Variants in ACACB observed in about 807,000 individuals in gnomAD.
ACACB encodes acetyl-CoA carboxylase 2.
In ACACB, 209 loss-of-function variants were observed where a neutral mutation model predicts 278.8. That is an observed-to-expected ratio of 0.75 (90% CI 0.67 to 0.84). The LOEUF is 0.84. Among genes scored for constraint, ACACB ranks in the 40% least tolerant of loss-of-function variants. The pLI is 0.00. For synonymous variants in ACACB, 1,174 were observed against 1,285.6 expected, an observed-to-expected ratio of 0.91 and a Z score of 1.86; for missense variants, 2,850 against 3,269.0, an observed-to-expected ratio of 0.87 and a Z score of 3.13.
chr12:109,188,223 T>TTCCTTCCC lies in ACACB; in HGVS notation c.2144+68_2144+69insCTCCTTCC, dbSNP rs2044738822. 5.0e-5 allele frequency: 60 copies of TTCCTTCCC among 1,200,780 alleles called. 1 individual carries two copies. In the South Asian group the frequency reaches 8.5e-4, roughly 17 times the overall value. The allele number at this position is 1,200,780 out of a possible 1,614,324, so 74.4% of individuals were successfully genotyped here. On this transcript the variant is annotated intron_variant, in intron 13 of 52. Transcript: ENST00000338432. ...CTTCCTTCCTTCCTTCCTTCCTTCCTTCCTTCCTTCCCTCTCTCCCTTCTT... is the reference window on the plus strand; with the variant it reads ...CTTCCTTCCTTCCTTCCTTCCTTCCTTCCTTCCCTCCTTCCTTCCCTCTCTCCCTTCTT...
intron 4 of ACACB, among the ~76,000 whole-genome samples, chr12:109,169,188 T>A (rs1455655617): frequency 6.8e-6 from 1 of 146,310 alleles, no homozygotes. Context: ...ATAAGTCAGG[T>A]CTTCAGGTCT....
At chr12:109,235,174 A>ATCACAGGAGGTCTCTT (rs1450413088) in intron 31 of ACACB, 139 bp from the exon 32 acceptor site, 1 of 720,514 alleles carries the variant, frequency 1.4e-6, no homozygotes, top group Admixed American at 2.1e-5. Context: ...ATGGAATCAG[A>ATCACAGGAGGTCTCTT]TCACAGGAGG....
At chr12:109,244,669 G>A (rs2046891498) in intron 37 of ACACB, among the ~76,000 whole-genome samples, 2 of 151,882 alleles carry the variant, frequency 1.3e-5, no homozygotes, top group South Asian at 4.2e-4. Context: ...TGTTGGCCAG[G>A]CTGGTCTCAA....
intron 37 of ACACB, among the ~76,000 whole-genome samples, chr12:109,243,788 T>C (rs1204548477): frequency 6.6e-6 from 1 of 151,914 alleles, no homozygotes; most frequent in Non-Finnish European, 1.5e-5. Context: ...CTTTATATGT[T>C]TATGCCCTAG....
chr12:109,199,286 A>G (rs551698831), intron 17 of ACACB, 116 bp from the exon 18 acceptor site: 12 of 883,730 alleles, frequency 1.4e-5, no homozygotes, highest in Non-Finnish European at 1.7e-5. Context: ...ACCCTTTGGG[A>G]ATGTAGAGGG....
At chr12:109,260,128 T>C (rs554037062) in intron 47 of ACACB, 8 of 1,380,270 alleles carry the variant, frequency 5.8e-6, no homozygotes, top group Admixed American at 1.9e-5. Context: ...CCCATGCACA[T>C]TGGGGAAGGA....
At chr12:109,188,296 C>T in intron 13 of ACACB, 134 bp downstream of exon 13, 1 of 949,544 alleles carries the variant, frequency 1.1e-6, no homozygotes, top group Non-Finnish European at 1.5e-6. Context: ...TCTTCCCTCC[C>T]TCTCAGCCTT....
chr12:109,122,123 G>C (rs1207298074), intron 1 of ACACB, among the ~76,000 whole-genome samples: 2 of 152,194 alleles, frequency 1.3e-5, no homozygotes, highest in East Asian at 3.8e-4. Context: ...AGGCCGGTTT[G>C]CCAGGGCCAT....
chr12:109,260,598 G>T lies in ACACB; in HGVS notation c.6615G>T (p.Val2205=), dbSNP rs2047353568. ...PYAELRGGSW[V]VIDATINPLC... is the part of the protein sequence containing the mutation. The stretch of plus-strand genomic sequence containing the variant: ...CGGAGCTCCGGGGAGGCTCCTGGGT[G>T]GTCATAGATGCCACCATCAACCCGC... Residue 2205 remains valine (V), a synonymous_variant, in exon 48 of 53, where the codon GTG becomes GTT. Coordinates refer to ENST00000338432, the MANE Select transcript of ACACB (RefSeq NM_001093.4). The T allele has an allele frequency of 6.2e-7, 1 of 1,609,998 alleles. No homozygotes were observed. Among genetic ancestry groups the T allele is most frequent in the Admixed American group, 1.7e-5 (1 of 58,832 alleles).
chr12:109,191,787 T>A, intron 14 of ACACB, 24 bp downstream of exon 14: 1 of 1,614,110 alleles, frequency 6.2e-7, no homozygotes, highest in Non-Finnish European at 8.5e-7. Context: ...TGCCTGTGTC[T>A]CCCCTCTGGA....
At position 109,232,679 on chromosome 12, in the gene ACACB, C is replaced by G. The variant is rs2046508029; in HGVS notation, c.4012C>G (p.Pro1338Ala). ...PSSHPNRMTV[P>A]ISITNPDLLR... is the part of the protein sequence containing the mutation. ...GCCATCACCTTACAGGATGACCGTG[C>G]CCATCAGCATCACCAACCCTGACCT... is the stretch of plus-strand genomic sequence containing the variant. The change falls in exon 29 of 53, where the codon CCC becomes GCC. Residue 1338 changes from proline (P) to alanine (A), a missense_variant. Pro to Ala is a conservative substitution (Grantham distance 27). This residue lies in a region of ACACB where 2,265 missense variants were observed against 2,561.3 expected (regional missense o/e 0.88). Coordinates refer to ENST00000338432, the MANE Select transcript of ACACB (RefSeq NM_001093.4). 1.2e-6 allele frequency: 2 copies of G among 1,613,730 alleles called. No homozygotes were observed. The highest frequency in any genetic ancestry group is 2.7e-5 in the African/African-American group (2 of 75,030).
Position 109,191,904 on chromosome 12 carries a change from G to C in ACACB, c.2353G>C (p.Ala785Pro), listed in dbSNP as rs770847703. The change falls in exon 15 of 53, where the codon GCG becomes CCG. Residue 785 changes from alanine to proline, a missense_variant. Ala to Pro is a conservative substitution (Grantham distance 27). Around this residue, in one of 3 missense-constraint regions of ACACB, gnomAD observed 2,265 missense variants for 2,561.3 expected, o/e 0.88. Coordinates refer to ENST00000338432, the MANE Select transcript of ACACB (RefSeq NM_001093.4). Reference sequence around the variant, plus strand: ...ATGCGGGGCCTTGAACGTGGCCGATGCGATGTTCAGAACGTGCATGACAGA... The same window carrying C: ...ATGCGGGGCCTTGAACGTGGCCGATCCGATGTTCAGAACGTGCATGACAGA... ...VVCGALNVADAMFRTCMTDFL... is the reference protein window; with the variant it reads ...VVCGALNVADPMFRTCMTDFL... 3.7e-6 allele frequency: 6 copies of C among 1,614,084 alleles called. No homozygotes were observed. In the Admixed American group the frequency reaches 6.7e-5, roughly 18 times the overall value.
intron 43 of ACACB, 85 bp downstream of exon 43, chr12:109,253,243 G>A (rs1009341752): frequency 4.3e-6 from 6 of 1,385,414 alleles, no homozygotes; most frequent in Admixed American, 2.4e-5. Context: ...CTCCTGGGTG[G>A]TGTGGGAGGC....
chr12:109,169,142 C>CAAA (rs34104231), intron 4 of ACACB, among the ~76,000 whole-genome samples: 75,129 of 105,284 alleles, frequency 0.71, 28,085 homozygotes, highest in Middle Eastern at 0.85. Context: ...GAGACTGTCT[C>CAAA]AAAAAAAAAA....
rs139243649 is a variant in ACACB at position 109,129,264 on chromosome 12, C to T, written c.-9-10133C>T. On this transcript the variant is annotated intron_variant, in intron 1 of 52. Transcript: ENST00000338432. ...CAGGAGAGTGTGAGAATTAGGAGCT[C>T]AGGCTCCAAAGTGAGGCCACGTGGG... Among the ~76,000 whole-genome samples, 486 of 152,256 alleles carry T rather than the reference C, an allele frequency of 3.2e-3. 2 individuals are homozygous for T. Among genetic ancestry groups the T allele is most frequent in the African/African-American group, 0.011 (445 of 41,560 alleles).
chr12:109,113,980 T>A (rs1446520884), upstream of ACACB, among the ~76,000 whole-genome samples: 1 of 151,532 alleles, frequency 6.6e-6, no homozygotes, highest in African/African-American at 2.4e-5. Flanking sequence ...TGGGAACCAA[T>A]TTTTTTTTCT....
intron 22 of ACACB, among the ~76,000 whole-genome samples, chr12:109,213,487 G>A (rs1248157171): frequency 6.6e-6 from 1 of 152,202 alleles, no homozygotes; most frequent in Non-Finnish European, 1.5e-5. Flanking sequence ...TGTTATTGTG[G>A]CTTTTGGGAC....
chr12:109,155,585 CT>C (rs776346297), intron 2 of ACACB, among the ~76,000 whole-genome samples: 181 of 145,236 alleles, frequency 1.2e-3, no homozygotes, highest in Middle Eastern at 3.6e-3. Flanking sequence ...TATTCTTCAG[CT>C]TTTTTTTTTT....
At chr12:109,216,456 G>A (rs144427031) in intron 22 of ACACB, among the ~76,000 whole-genome samples, 162 bp from the exon 23 acceptor site, 301 of 150,788 alleles carry the variant, frequency 2.0e-3, no homozygotes, top group African/African-American at 7.2e-3. Flanking sequence ...TCTTGACCTC[G>A]TGATCTGCCT....
Sources: allele counts gnomAD v4.1 joint callset (sites outside exome capture counted in the v4.1 genomes callset), GRCh38; gene constraint gnomAD v4.1.1; regional missense constraint gnomAD v4.1.1; transcripts MANE v1.5; gene names NCBI Gene and HGNC (gene_info 2026-07-23, HGNC 2026-07-21).